Variants in VIT observed in about 807,000 individuals in gnomAD.
VIT encodes vitrin.
In VIT, 99 loss-of-function variants were observed where a neutral mutation model predicts 78.0. That is an observed-to-expected ratio of 1.27 (90% CI 1.08 to 1.50). The LOEUF (loss-of-function observed/expected upper bound fraction) is 1.50. Among genes scored for constraint, VIT ranks in the 40% most tolerant of loss-of-function variants. VIT has a pLI of 0.00. For synonymous variants in VIT, 374 were observed against 334.3 expected (o/e 1.12, Z -1.29); for missense variants, 1,126 against 875.3 (o/e 1.29, Z -3.61).
chr2:36,791,605 A>C (rs867248228), intron 12 of VIT, among the ~76,000 whole-genome samples: 6 of 152,188 alleles, frequency 3.9e-5, no homozygotes, highest in African/African-American at 1.2e-4. Context: ...ATTCAAAGGG[A>C]GGTGTGACGA....
intron 2 of VIT, among the ~76,000 whole-genome samples, chr2:36,720,969 C>G (rs1666468754): frequency 6.6e-6 from 1 of 151,734 alleles, no homozygotes; most frequent in Non-Finnish European, 1.5e-5. Context: ...GAGATTGCGC[C>G]TTTACACTCC....
At chr2:36,809,475 C>G (rs193257351) in intron 15 of VIT, among the ~76,000 whole-genome samples, 2 of 152,250 alleles carry the variant, frequency 1.3e-5, no homozygotes, top group Non-Finnish European at 2.9e-5. Context: ...TGTAGTGCAA[C>G]GGTGCCATCT....
At position 36,755,955 on chromosome 2, in the gene VIT, A is replaced by ATTTTTTTTTT. The variant is rs58344336; in HGVS notation, c.409+911_409+920dup. Among the ~76,000 whole-genome samples, 100 of 108,580 alleles carry ATTTTTTTTTT rather than the reference A, an allele frequency of 9.2e-4. 1 individual carries two copies. Among genetic ancestry groups the ATTTTTTTTTT allele is most frequent in the Non-Finnish European group, 1.3e-3 (72 of 56,418 alleles). 71.2% of individuals were successfully genotyped at this position (108,580 alleles called of 152,430 possible). On this transcript the variant is annotated intron_variant, in intron 5 of 15. Coordinates refer to ENST00000379242, the MANE Select transcript of VIT (RefSeq NM_053276.4). ...CGGTAGTGCTTGAGGACAACACAGT[A>ATTTTTTTTTT]TTTTTTTTTTTTTTTTTTTGAGACG... is the stretch of plus-strand genomic sequence containing the variant.
chr2:36,754,845 ACTGGTTTTCTAG>A, intron 4 of VIT, 64 bp from the exon 5 acceptor site: 1 of 1,510,146 alleles, frequency 6.6e-7, no homozygotes, highest in Non-Finnish European at 9.0e-7. Flanking sequence ...AAAGATGGCG[ACTGGTTTTCTAG>A]CCTGTTGATC....
At chr2:36,732,317 C>G (rs189472246) in intron 3 of VIT, among the ~76,000 whole-genome samples, 1 of 152,258 alleles carries the variant, frequency 6.6e-6, no homozygotes, top group Admixed American at 6.5e-5. Context: ...TAAATTCTAG[C>G]CTTATTCTCA....
chr2:36,745,160 T>G (rs1042131978), intron 4 of VIT, among the ~76,000 whole-genome samples: 1 of 152,146 alleles, frequency 6.6e-6, no homozygotes, highest in African/African-American at 2.4e-5. Flanking sequence ...TTTTCTATTC[T>G]TTTCCGTCGT....
At chr2:36,750,657 CT>C (rs1668403109) in intron 4 of VIT, among the ~76,000 whole-genome samples, 1 of 151,708 alleles carries the variant, frequency 6.6e-6, no homozygotes, top group South Asian at 2.1e-4. Context: ...CCCGTCTCTA[CT>C]AAAAATACAA....
chr2:36,749,732 G>A (rs899457405), intron 4 of VIT, among the ~76,000 whole-genome samples: 8 of 152,304 alleles, frequency 5.3e-5, no homozygotes, highest in Non-Finnish European at 8.8e-5. Context: ...CTCGGGAGTC[G>A]ATACTTGGCT....
chr2:36,778,381 G>A (rs374940351), intron 9 of VIT, among the ~76,000 whole-genome samples: 1 of 152,126 alleles, frequency 6.6e-6, no homozygotes, highest in Non-Finnish European at 1.5e-5. Flanking sequence ...AGGCAGGGGT[G>A]GTGGGCTCCT....
intron 6 of VIT, among the ~76,000 whole-genome samples, chr2:36,766,584 A>G (rs1669444397): frequency 6.6e-6 from 1 of 152,148 alleles, no homozygotes; most frequent in Admixed American, 6.5e-5. Context: ...AGGTAGTTCT[A>G]TTACCCCATT....
intron 9 of VIT, 48 bp downstream of exon 9, chr2:36,775,115 G>A (rs1366594504): frequency 1.2e-6 from 2 of 1,606,340 alleles, no homozygotes; most frequent in Admixed American, 1.7e-5. Flanking sequence ...AATTTGCTCT[G>A]TGGCACTTTG....
At chr2:36,749,687 T>G (rs1416586839) in intron 4 of VIT, among the ~76,000 whole-genome samples, 1 of 152,218 alleles carries the variant, frequency 6.6e-6, no homozygotes, top group Non-Finnish European at 1.5e-5. Flanking sequence ...GCACCTGTAC[T>G]CCTAACTGCT....
chr2:36,712,672 C>T (rs1310647633), intron 1 of VIT, among the ~76,000 whole-genome samples: 4 of 152,024 alleles, frequency 2.6e-5, no homozygotes, highest in Non-Finnish European at 5.9e-5. Flanking sequence ...CCCGTCTGTA[C>T]TAAAAATACA....
chr2:36,752,378 T>C (rs931604691), intron 4 of VIT, among the ~76,000 whole-genome samples: 3 of 152,098 alleles, frequency 2.0e-5, no homozygotes, highest in Admixed American at 6.5e-5. Context: ...CAGTGAACTA[T>C]CCCTTCTCTC....
At chr2:36,743,366 GC>G (rs1336916216) in intron 4 of VIT, 110 bp downstream of exon 4, 3 of 1,159,564 alleles carry the variant, frequency 2.6e-6, no homozygotes, top group Admixed American at 2.8e-5. Flanking sequence ...ATATTTTTTA[GC>G]TCAAAATCTT....
intron 6 of VIT, among the ~76,000 whole-genome samples, chr2:36,762,582 A>G (rs1405752090): frequency 1.3e-5 from 2 of 152,174 alleles, no homozygotes; most frequent in Non-Finnish European, 2.9e-5. Flanking sequence ...CACGAATTCA[A>G]ATAAAAAATT....
In VIT at chr2:36,813,711, G is replaced by C. The variant is rs2270320; in HGVS notation, c.1904-472G>C. On this transcript the variant is annotated intron_variant, in intron 15 of 15. Coordinates refer to ENST00000379242, the MANE Select transcript of VIT (RefSeq NM_053276.4). ...CCACTGTTTTAGTTTAAAAGATCTT[G>C]AACCAGCTTTTGATGGCATTTAAGG... Among the ~76,000 whole-genome samples the C allele has an allele frequency of 3.3e-5, 5 of 152,258 alleles. No individual in the cohort carries two copies. In the East Asian group the frequency reaches 9.7e-4, roughly 29 times the overall value.
chr2:36,766,684 G>T (rs1335084461), intron 6 of VIT, among the ~76,000 whole-genome samples: 2 of 152,042 alleles, frequency 1.3e-5, no homozygotes, highest in African/African-American at 4.8e-5. Flanking sequence ...CTAAGACTAG[G>T]TCATAATGAA....
intron 12 of VIT, among the ~76,000 whole-genome samples, chr2:36,795,312 C>T (rs550988985): frequency 3.9e-5 from 6 of 152,026 alleles, no homozygotes; most frequent in Admixed American, 3.3e-4. Context: ...CACATCTTCC[C>T]AGCTAAGGTC....
Sources: gnomAD v4.1 joint callset for allele counts (sites outside exome capture counted in the v4.1 genomes callset) on GRCh38, gnomAD v4.1.1 for gene constraint, MANE v1.5 for transcripts, NCBI Gene and HGNC (gene_info 2026-07-23, HGNC 2026-07-21) for gene names.